The following TSHZ2 variants were observed in gnomAD, a reference collection of about 807,000 sequenced individuals.
The protein encoded by TSHZ2 is teashirt homolog 2.
TSHZ2 carries 21 observed loss-of-function variants against 74.4 expected under a neutral mutation model. The ratio of observed to expected loss-of-function variants is 0.28; its 90% confidence interval spans 0.20 to 0.41. The LOEUF (loss-of-function observed/expected upper bound fraction) is 0.41, where lower values mean the gene tolerates loss of function less well. TSHZ2 is among the 10% of genes least tolerant of loss of function. The pLI is 1.00. For missense variants in TSHZ2, 1,244 were observed against 1,293.5 expected, an observed-to-expected ratio of 0.96 and a Z score of 0.59; for synonymous variants, 540 against 515.3, an observed-to-expected ratio of 1.05 and a Z score of -0.65.
chr20:53,363,798 C>T (rs1322259476), intron 2 of TSHZ2, among the ~76,000 whole-genome samples: 3 of 152,110 alleles, frequency 2.0e-5, no homozygotes, highest in African/African-American at 4.8e-5. Flanking sequence ...GAGTAACAAG[C>T]GAGACCCTGT....
At chr20:52,985,814 C>T (rs1981732483) in intron 1 of TSHZ2, among the ~76,000 whole-genome samples, 1 of 152,174 alleles carries the variant, frequency 6.6e-6, no homozygotes, top group African/African-American at 2.4e-5. Flanking sequence ...TGACTCAAAC[C>T]ATCGTCTCCA....
At chr20:53,117,143 C>T (rs1184332932) in intron 1 of TSHZ2, among the ~76,000 whole-genome samples, 1 of 152,138 alleles carries the variant, frequency 6.6e-6, no homozygotes, top group Non-Finnish European at 1.5e-5. Context: ...AAGTACTTCC[C>T]AAAGCCCCTA....
intron 1 of TSHZ2, among the ~76,000 whole-genome samples, chr20:53,106,561 T>G (rs370442939): frequency 7.4e-6 from 1 of 135,636 alleles, no homozygotes; most frequent in African/African-American, 2.8e-5. Flanking sequence ...CCCGCCACCA[T>G]GCCCAGCTAA....
chr20:53,265,894 C>G (rs1600777416), intron 2 of TSHZ2, among the ~76,000 whole-genome samples: 1 of 152,222 alleles, frequency 6.6e-6, no homozygotes, highest in East Asian at 1.9e-4. Context: ...CTCCCTCCCT[C>G]CTTTCTTCCC....
At chr20:53,303,198 T>G (rs1978381122) in intron 2 of TSHZ2, among the ~76,000 whole-genome samples, 1 of 152,174 alleles carries the variant, frequency 6.6e-6, no homozygotes, top group African/African-American at 2.4e-5. Flanking sequence ...TTTCAAAACT[T>G]TAGACACCCC....
At chr20:53,333,592 A>C (rs1481561206) in intron 2 of TSHZ2, among the ~76,000 whole-genome samples, 1 of 152,066 alleles carries the variant, frequency 6.6e-6, no homozygotes, top group Admixed American at 6.5e-5. Context: ...AGTAGCTGGG[A>C]CTATAGGCAC....
chr20:53,083,140 A>G (rs1269725948), intron 1 of TSHZ2, among the ~76,000 whole-genome samples: 1 of 152,254 alleles, frequency 6.6e-6, no homozygotes, highest in Non-Finnish European at 1.5e-5. Flanking sequence ...ATTTTGATGT[A>G]GGTATACAGC....
chr20:53,183,213 G>A (rs1988522786), intron 1 of TSHZ2, among the ~76,000 whole-genome samples: 1 of 152,138 alleles, frequency 6.6e-6, no homozygotes, highest in Non-Finnish European at 1.5e-5. Context: ...AAGTTCAAAG[G>A]ATATTACGGG....
At chr20:53,188,238 G>GT (rs1352001493) in intron 1 of TSHZ2, among the ~76,000 whole-genome samples, 1 of 152,146 alleles carries the variant, frequency 6.6e-6, no homozygotes, top group Non-Finnish European at 1.5e-5. Context: ...GGCCAGCCAT[G>GT]TATCATTACA....
intron 1 of TSHZ2, among the ~76,000 whole-genome samples, chr20:53,105,902 G>C (rs1189925137): frequency 4.6e-5 from 7 of 152,256 alleles, no homozygotes; most frequent in Non-Finnish European, 8.8e-5. Flanking sequence ...GCCCACCTCA[G>C]CATCCCAAAG....
intron 1 of TSHZ2, among the ~76,000 whole-genome samples, chr20:53,041,026 T>C (rs1035127408): frequency 2.6e-5 from 4 of 152,168 alleles, no homozygotes; most frequent in Non-Finnish European, 5.9e-5. Context: ...AACTGGTTAG[T>C]CTCTGCAGGA....
chr20:53,185,441 G>A (rs1353449055), intron 1 of TSHZ2: 47 of 1,319,482 alleles, frequency 3.6e-5, no homozygotes, highest in African/African-American at 4.5e-5. Context: ...TTGGGAGGCC[G>A]AGGCAGGCAG....
intron 2 of TSHZ2, among the ~76,000 whole-genome samples, chr20:53,449,913 A>G (rs1984706983): frequency 6.6e-6 from 1 of 152,202 alleles, no homozygotes; most frequent in African/African-American, 2.4e-5. Context: ...TGTGCTTTGC[A>G]TTCTACTTTC....
intron 2 of TSHZ2, among the ~76,000 whole-genome samples, chr20:53,450,730 C>T (rs1227799999): frequency 6.6e-6 from 1 of 152,152 alleles, no homozygotes; most frequent in Non-Finnish European, 1.5e-5. Context: ...CCATGTTGCC[C>T]AGGCTGGTCT....
intron 1 of TSHZ2, among the ~76,000 whole-genome samples, chr20:53,058,173 A>C (rs924698318): frequency 3.9e-5 from 6 of 152,152 alleles, no homozygotes; most frequent in African/African-American, 1.4e-4. Context: ...AGCTCGGGCC[A>C]TAAGACTCTC....
Position 52,972,912 on chromosome 20 carries a change from G to A in TSHZ2, c.-382G>A, listed in dbSNP as rs1401021238. The A allele has an allele frequency of 1.7e-5, 4 of 239,788 alleles. No homozygotes were observed. Among genetic ancestry groups the A allele is most frequent in the African/African-American group, 2.4e-5 (1 of 41,896 alleles). 14.9% of individuals were successfully genotyped at this position (239,788 alleles called of 1,614,324 possible). A position where few individuals can be genotyped will look rare whatever the true frequency, so the allele number is the denominator to read the frequency against. ...CTTCCATCCGAACCCGGGCTTGGAT[G>A]TTTAATAAAGAAATCAAGTGTCTCA... On this transcript the variant is annotated 5_prime_UTR_variant, in exon 1 of 3. It removes an upstream start codon present in the reference 5' UTR. Transcript: ENST00000371497.
chr20:53,097,177 G>T (rs542789216), intron 1 of TSHZ2, among the ~76,000 whole-genome samples: 2 of 152,236 alleles, frequency 1.3e-5, no homozygotes, highest in African/African-American at 4.8e-5. Context: ...GAGGGACAGG[G>T]TGGGAACAAA....
intron 2 of TSHZ2, among the ~76,000 whole-genome samples, chr20:53,350,505 G>A (rs998133301): frequency 6.6e-6 from 1 of 152,170 alleles, no homozygotes; most frequent in African/African-American, 2.4e-5. Context: ...CCAAACACAT[G>A]TCACATGAGA....
At chr20:53,190,119 ATATATATATATATAT>A (rs1988698068) in intron 1 of TSHZ2, among the ~76,000 whole-genome samples, 7 of 84,006 alleles carry the variant, frequency 8.3e-5, no homozygotes, top group African/African-American at 3.1e-4. Context: ...ATATATATAT[ATATATATATATATAT>A]ATATTTTCTT....
Sources: allele counts gnomAD v4.1 joint callset (sites outside exome capture counted in the v4.1 genomes callset), GRCh38; gene constraint gnomAD v4.1.1; transcripts MANE v1.5; gene names NCBI Gene and HGNC (gene_info 2026-07-23, HGNC 2026-07-21).